The following ZBTB20 variants were observed in gnomAD, a reference collection of about 807,000 sequenced individuals.
The protein encoded by ZBTB20 is zinc finger and BTB domain-containing protein 20.
Under a neutral mutation model 56.9 loss-of-function variants are expected in ZBTB20, and 9 were observed. The observed-to-expected ratio is 0.16, with a 90% CI of 0.10 to 0.28. The LOEUF (loss-of-function observed/expected upper bound fraction) is 0.28, where lower values mean the gene tolerates loss of function less well. ZBTB20 is among the 10% of genes least tolerant of loss of function. ZBTB20 has a pLI of 1.00. For synonymous variants in ZBTB20, 417 were observed against 420.7 expected, an observed-to-expected ratio of 0.99 and a Z score of 0.11; for missense variants, 655 against 1,003.0, an observed-to-expected ratio of 0.65 and a Z score of 4.69.
At chr3:114,512,406 C>G (rs752969975) in intron 6 of ZBTB20, among the ~76,000 whole-genome samples, 11 of 152,122 alleles carry the variant, frequency 7.2e-5, no homozygotes, top group Non-Finnish European at 1.6e-4. Flanking sequence ...TCTACTTCTG[C>G]CCTCAAGGAC....
At chr3:114,521,777 T>C (rs924727973) in intron 6 of ZBTB20, among the ~76,000 whole-genome samples, 3 of 152,138 alleles carry the variant, frequency 2.0e-5, no homozygotes, top group African/African-American at 7.2e-5. Context: ...CTATCTAAGA[T>C]TCTGGATAAG....
At chr3:114,662,275 A>G (rs374032590) in intron 6 of ZBTB20, among the ~76,000 whole-genome samples, 1 of 151,780 alleles carries the variant, frequency 6.6e-6, no homozygotes, top group Non-Finnish European at 1.5e-5. Context: ...TGGTGTATAT[A>G]TGCCACATTT....
intron 1 of ZBTB20, among the ~76,000 whole-genome samples, chr3:115,107,506 T>C (rs940234599): frequency 6.6e-6 from 1 of 152,062 alleles, no homozygotes; most frequent in Non-Finnish European, 1.5e-5. Flanking sequence ...AAACAACAGA[T>C]GCTGGCGAGG....
At chr3:115,000,222 A>G (rs1379035599) in intron 2 of ZBTB20, among the ~76,000 whole-genome samples, 1 of 151,596 alleles carries the variant, frequency 6.6e-6, no homozygotes, top group Non-Finnish European at 1.5e-5. Context: ...TATATTACTG[A>G]TAATTTTAGG....
intron 6 of ZBTB20, among the ~76,000 whole-genome samples, chr3:114,513,919 C>CAA (rs77125827): frequency 5.3e-5 from 6 of 113,698 alleles, no homozygotes; most frequent in South Asian, 5.5e-4. Context: ...GACAGGGAGA[C>CAA]AAAAAAAAAA....
chr3:115,018,464 G>C (rs1204051673), intron 2 of ZBTB20, among the ~76,000 whole-genome samples: 3 of 151,218 alleles, frequency 2.0e-5, no homozygotes, highest in Admixed American at 1.3e-4. Context: ...TTTGTTCTTT[G>C]ATCTCCACAT....
chr3:114,962,160 C>T (rs988413609), intron 3 of ZBTB20, among the ~76,000 whole-genome samples: 2 of 149,958 alleles, frequency 1.3e-5, no homozygotes, highest in Non-Finnish European at 2.9e-5. Context: ...CTCCCTTTTC[C>T]ACATGCACAG....
intron 2 of ZBTB20, among the ~76,000 whole-genome samples, chr3:115,044,821 G>A (rs144076799): frequency 6.6e-6 from 1 of 152,258 alleles, no homozygotes; most frequent in East Asian, 1.9e-4. Flanking sequence ...TACACTATGT[G>A]GATATTGTGA....
Position 114,331,136 on chromosome 3 carries a change from T to TGTGTGTGTGC in ZBTB20, c.*7868_*7869insGCACACACAC, listed in dbSNP as rs961722166. The TGTGTGTGTGC allele has an allele frequency of 6.6e-6, 1 of 151,258 alleles. No individual in the cohort carries two copies. The highest frequency in any genetic ancestry group is 2.5e-5 in the African/African-American group (1 of 40,360). 9.4% of individuals were successfully genotyped at this position (151,258 alleles called of 1,614,324 possible). Reference sequence around the variant, plus strand: ...GTGTGTGTGTGTGTGTGTGTGTGTGTGCACACTGCATTGCATAGAGGAAAG... The same window carrying TGTGTGTGTGC: ...GTGTGTGTGTGTGTGTGTGTGTGTGTGTGTGTGTGCGCACACTGCATTGCATAGAGGAAAG... On this transcript the variant is annotated 3_prime_UTR_variant, in exon 12 of 12. Transcript: ENST00000675478.
At chr3:114,985,640 T>A (rs573717048) in intron 2 of ZBTB20, among the ~76,000 whole-genome samples, 3 of 152,070 alleles carry the variant, frequency 2.0e-5, no homozygotes, top group Non-Finnish European at 4.4e-5. Context: ...ATTTGGGACC[T>A]TTACTGCCAA....
intron 4 of ZBTB20, among the ~76,000 whole-genome samples, chr3:114,888,213 T>C (rs1576233654): frequency 6.7e-6 from 1 of 150,314 alleles, no homozygotes; most frequent in African/African-American, 2.5e-5. Flanking sequence ...AGCCCAGGAG[T>C]TTGAGACCAG....
chr3:115,049,082 T>C (rs2081445486), intron 2 of ZBTB20, among the ~76,000 whole-genome samples: 1 of 152,174 alleles, frequency 6.6e-6, no homozygotes, highest in Non-Finnish European at 1.5e-5. Flanking sequence ...TTAATACTTG[T>C]AACTGGCTAA....
chr3:114,999,465 C>T (rs2079161760), intron 2 of ZBTB20, among the ~76,000 whole-genome samples: 1 of 151,692 alleles, frequency 6.6e-6, no homozygotes, highest in African/African-American at 2.4e-5. Context: ...TTAATGCAAA[C>T]TTATCAGCTT....
intron 6 of ZBTB20, among the ~76,000 whole-genome samples, chr3:114,576,814 G>A (rs2054120520): frequency 1.3e-5 from 2 of 151,878 alleles, no homozygotes; most frequent in African/African-American, 4.8e-5. Context: ...GAGTGAGAAA[G>A]TGAGTGAGAA....
chr3:114,862,665 C>T (rs796501408), intron 4 of ZBTB20, among the ~76,000 whole-genome samples: 1 of 152,098 alleles, frequency 6.6e-6, no homozygotes, highest in African/African-American at 2.4e-5. Flanking sequence ...GAGCCTATAA[C>T]ATACCTGGAT....
intron 7 of ZBTB20, among the ~76,000 whole-genome samples, chr3:114,417,280 T>C (rs1443562121): frequency 6.6e-6 from 1 of 152,112 alleles, no homozygotes; most frequent in African/African-American, 2.4e-5. Context: ...AAAATGGCTG[T>C]TGCACATTTG....
intron 1 of ZBTB20, among the ~76,000 whole-genome samples, chr3:115,111,049 A>AAATAAAT (rs1560580671): frequency 6.9e-6 from 1 of 145,976 alleles, no homozygotes; most frequent in African/African-American, 2.5e-5. Context: ...AATAAATAAA[A>AAATAAAT]ATAAAACAAA....
intron 4 of ZBTB20, among the ~76,000 whole-genome samples, chr3:114,889,479 A>G (rs2107621842): frequency 1.3e-5 from 2 of 152,178 alleles, no homozygotes; most frequent in Middle Eastern, 3.5e-3. Flanking sequence ...CTAACACTTT[A>G]TAAGTTCAAT....
intron 2 of ZBTB20, among the ~76,000 whole-genome samples, chr3:114,978,135 T>C (rs960344381): frequency 2.6e-5 from 4 of 151,274 alleles, no homozygotes; most frequent in South Asian, 4.2e-4. Context: ...TCTTTATAAA[T>C]AAATAAACAT....
Sources: allele counts gnomAD v4.1 joint callset (sites outside exome capture counted in the v4.1 genomes callset), GRCh38; gene constraint gnomAD v4.1.1; transcripts MANE v1.5; gene names NCBI Gene and HGNC (gene_info 2026-07-23, HGNC 2026-07-21).